The following EMC1 variants were observed in gnomAD, a reference collection of about 807,000 sequenced individuals.
EMC1 encodes KIAA0090.
Under a neutral mutation model 128.8 loss-of-function variants are expected in EMC1, and 103 were observed. That is an observed-to-expected ratio of 0.80 (90% CI 0.68 to 0.94). EMC1 has a LOEUF of 0.94. Ranked by LOEUF, EMC1 falls within the 40% of genes least tolerant of loss-of-function variation. The pLI, the probability that EMC1 is intolerant of heterozygous loss-of-function variation, is 0.00. For missense variants in EMC1, 1,083 were observed against 1,250.6 expected, an observed-to-expected ratio of 0.87 and a Z score of 2.02; for synonymous variants, 442 against 490.4, an observed-to-expected ratio of 0.90 and a Z score of 1.30.
Position 19,239,306 on chromosome 1 carries a change from G to A in EMC1, c.955-4C>T. On this transcript the variant is annotated splice_region_variant and splice_polypyrimidine_tract_variant and intron_variant, in intron 8 of 22. Transcript: ENST00000477853. ...TGGCAAAGCTCACTAGGGCAGTCTGGGGGAAAAGCAAGGCATCAGCTCCTA... is the reference window on the plus strand; with the variant it reads ...TGGCAAAGCTCACTAGGGCAGTCTGAGGGAAAAGCAAGGCATCAGCTCCTA... 1 of 1,613,962 alleles carries A rather than the reference G, an allele frequency of 6.2e-7. No individual in the cohort carries two copies. The highest frequency in any genetic ancestry group is 8.5e-7 in the Non-Finnish European group (1 of 1,179,848).
chr1:19,248,162 T>A (rs540602294), intron 1 of EMC1, among the ~76,000 whole-genome samples: 5 of 152,268 alleles, frequency 3.3e-5, no homozygotes, highest in Admixed American at 6.5e-5. Flanking sequence ...CTGACCCTAT[T>A]TAGGCCCAGG....
At chr1:19,219,849 C>G (rs1048796664) in intron 21 of EMC1, 151 bp from the exon 22 acceptor site, 3 of 737,048 alleles carry the variant, frequency 4.1e-6, no homozygotes, top group East Asian at 2.7e-5. Context: ...AAAAATTTAG[C>G]AGCTGAATGT....
At chr1:19,236,840 C>T (rs1370872109) in intron 12 of EMC1, among the ~76,000 whole-genome samples, 9 of 148,946 alleles carry the variant, frequency 6.0e-5, no homozygotes, top group Admixed American at 2.7e-4. Flanking sequence ...TGGTGGCACA[C>T]GCCTGTAATC....
At chr1:19,249,786 G>A (rs544818119) in intron 1 of EMC1, among the ~76,000 whole-genome samples, 1 of 152,002 alleles carries the variant, frequency 6.6e-6, no homozygotes, top group Non-Finnish European at 1.5e-5. Context: ...AACTGGAGAG[G>A]TGTGCACCAG....
Position 19,244,908 on chromosome 1 carries a change from A to G in EMC1, c.218T>C (p.Ile73Thr). ...GACACAGTTCTCAGTTCACTCACAG[A>G]TCTCCCCAGTTCGGGAATTTAATGC... ...IAALNSRTGEILWRHVDKGTA... is the reference protein window; with the variant it reads ...IAALNSRTGETLWRHVDKGTA... The change falls in exon 2 of 23, where the codon ATC (isoleucine) becomes ACC (threonine). Residue 73 changes from isoleucine (I) to threonine (T), a missense_variant and splice_region_variant. Physicochemically the swap from Ile to Thr is moderately conservative, Grantham distance 89. Transcript: ENST00000477853. 6.2e-7 allele frequency: 1 copy of G among 1,613,570 alleles called. No individual in the cohort carries two copies. The highest frequency in any genetic ancestry group is 1.1e-5 in the South Asian group (1 of 91,058).
At chr1:19,240,667 A>G in intron 6 of EMC1, 2 of 583,836 alleles carry the variant, frequency 3.4e-6, no homozygotes, top group South Asian at 2.2e-5. Context: ...CTTTCTGGTC[A>G]CTGGAAAAAT....
At chr1:19,238,273 A>G (rs1312912995) in intron 10 of EMC1, 134 bp from the exon 11 acceptor site, 3 of 996,582 alleles carry the variant, frequency 3.0e-6, no homozygotes, top group Non-Finnish European at 2.9e-6. Flanking sequence ...GCAAAGGAGA[A>G]TAAAAGAGAA....
intron 4 of EMC1, among the ~76,000 whole-genome samples, 189 bp downstream of exon 4, chr1:19,243,425 C>G (rs1234665480): frequency 6.6e-6 from 1 of 152,182 alleles, no homozygotes; most frequent in Admixed American, 6.5e-5. Flanking sequence ...CACCTAGAAA[C>G]TCTGCATCTA....
chr1:19,231,190 C>T (rs1373668887), intron 16 of EMC1, 71 bp downstream of exon 16: 17 of 1,498,354 alleles, frequency 1.1e-5, no homozygotes, highest in African/African-American at 1.4e-5. Context: ...ATCTCCGGGC[C>T]GCTGTGTTTG....
chr1:19,234,072 ACC>A, intron 13 of EMC1: 1 of 418,684 alleles, frequency 2.4e-6, no homozygotes, highest in Non-Finnish European at 3.2e-6. Context: ...ACACACACAC[ACC>A]CCAAGGATGT....
rs754255135 is a variant in EMC1 at position 19,231,348 on chromosome 1, C to T, written c.1857G>A (p.Leu619=). The change falls in exon 16 of 23, where the codon CTG becomes CTA. Residue 619 remains leucine (L), a synonymous_variant. Coordinates refer to ENST00000477853, the MANE Select transcript of EMC1 (RefSeq NM_015047.3). The stretch of plus-strand genomic sequence containing the variant: ...GCAAGGACTGCAAGATGGGGCGCTT[C>T]AGCACTGGGGGAGCTACCTGACTCC... ...GKWSQVAPPV[L]KRPILQSLLL... 1.3e-5 allele frequency: 21 copies of T among 1,612,514 alleles called. No individual in the cohort carries two copies. Among genetic ancestry groups the T allele is most frequent in the Admixed American group, 1.0e-4 (6 of 59,338 alleles).
At chr1:19,247,611 C>G (rs532846514) in intron 1 of EMC1, among the ~76,000 whole-genome samples, 1 of 152,306 alleles carries the variant, frequency 6.6e-6, no homozygotes, top group South Asian at 2.1e-4. Context: ...CTACATAATA[C>G]TTGACAATGA....
Position 19,238,776 on chromosome 1 carries a change from G to GC in EMC1, c.1089+18dup. 1 of 1,582,200 alleles carries GC rather than the reference G, an allele frequency of 6.3e-7. No homozygotes were observed. The highest frequency in any genetic ancestry group is 8.7e-7 in the Non-Finnish European group (1 of 1,151,358). On this transcript the variant is annotated intron_variant, in intron 10 of 22. Coordinates refer to ENST00000477853, the MANE Select transcript of EMC1 (RefSeq NM_015047.3). ...CCTGCGTCTCTAGGTCTGGCATACT[G>GC]CCCAGTGCCACACCATACCTTTGAA...
At chr1:19,235,914 A>C (rs945635663) in intron 12 of EMC1, among the ~76,000 whole-genome samples, 17 of 151,976 alleles carry the variant, frequency 1.1e-4, no homozygotes, top group African/African-American at 3.1e-4. Flanking sequence ...ATAAATAAAC[A>C]AAAGCTAAGC....
At chr1:19,227,476 A>C in intron 17 of EMC1, 26 bp from the exon 18 acceptor site, 3 of 1,613,966 alleles carry the variant, frequency 1.9e-6, no homozygotes, top group Non-Finnish European at 2.5e-6. Context: ...AAAAGCCTGT[A>C]ATCAGGAGGG....
Position 19,251,484 on chromosome 1 carries a change from A to C in EMC1, c.26T>G (p.Phe9Cys), listed in dbSNP as rs771325779. Residue 9 changes from phenylalanine (F) to cysteine (C), a missense_variant, in exon 1 of 23, where the codon TTC becomes TGC. Physicochemically the swap from Phe to Cys is radical, Grantham distance 205. Transcript: ENST00000477853. MAAEWASR[F>C]WLWATLLIPA... ...AATCAGCAGCGTAGCCCAAAGCCAG[A>C]AACGAGAAGCCCACTCAGCCGCCAT... 3.7e-6 allele frequency: 6 copies of C among 1,614,152 alleles called. 1 individual carries two copies. In the South Asian group the frequency reaches 6.6e-5, roughly 18 times the overall value.
chr1:19,246,311 A>G (rs1025064174), intron 1 of EMC1, among the ~76,000 whole-genome samples: 4 of 151,598 alleles, frequency 2.6e-5, no homozygotes, highest in African/African-American at 9.7e-5. Context: ...AATCGCTTGA[A>G]CTCAGGAAGC....
At chr1:19,225,759 C>G (rs2093467909) in intron 18 of EMC1, among the ~76,000 whole-genome samples, 1 of 150,972 alleles carries the variant, frequency 6.6e-6, no homozygotes, top group African/African-American at 2.4e-5. Flanking sequence ...GTCAAAGCTG[C>G]AGTGAGCTGT....
chr1:19,223,953 AG>A (rs1357935875), intron 18 of EMC1, among the ~76,000 whole-genome samples: 2 of 152,122 alleles, frequency 1.3e-5, no homozygotes, highest in Non-Finnish European at 2.9e-5. Flanking sequence ...TTTTCTTCTG[AG>A]GGTCACCACC....
Sources: gnomAD v4.1 joint callset for allele counts (sites outside exome capture counted in the v4.1 genomes callset) on GRCh38, gnomAD v4.1.1 for gene constraint, MANE v1.5 for transcripts, NCBI Gene and HGNC (gene_info 2026-07-23, HGNC 2026-07-21) for gene names.